The following SMARCC1 variants were observed in gnomAD, a reference collection of about 807,000 sequenced individuals.
SMARCC1 encodes SWI/SNF related BAF chromatin remodeling complex subunit C1.
In SMARCC1, 43 loss-of-function variants were observed where a neutral mutation model predicts 147.4. The ratio of observed to expected loss-of-function variants is 0.29; its 90% CI spans 0.23 to 0.38. The LOEUF is 0.38. Among genes scored for constraint, SMARCC1 ranks in the 10% least tolerant of loss-of-function variants. The pLI, the probability that SMARCC1 is intolerant of heterozygous loss-of-function variation, is 1.00. For synonymous variants in SMARCC1, 495 were observed against 484.4 expected (o/e 1.02, Z -0.29); for missense variants, 1,119 against 1,381.1 (o/e 0.81, Z 3.01).
chr3:47,762,176 G>A (rs1035967926), intron 2 of SMARCC1, among the ~76,000 whole-genome samples: 2 of 152,290 alleles, frequency 1.3e-5, no homozygotes, highest in South Asian at 2.1e-4. Context: ...GAAGACAACA[G>A]ATTCTTCTTA....
chr3:47,697,241 T>C (rs929019189), intron 11 of SMARCC1, among the ~76,000 whole-genome samples: 3 of 150,668 alleles, frequency 2.0e-5, no homozygotes, highest in African/African-American at 7.3e-5. Flanking sequence ...ATCACTTGAG[T>C]GAGCAGCAAG....
chr3:47,606,092 A>G (rs1289196431), intron 26 of SMARCC1, among the ~76,000 whole-genome samples: 1 of 152,132 alleles, frequency 6.6e-6, no homozygotes, highest in East Asian at 1.9e-4. Context: ...CTTGTCATAG[A>G]CTAAAAATAA....
At chr3:47,727,230 C>A (rs997734579) in intron 6 of SMARCC1, among the ~76,000 whole-genome samples, 1 of 151,232 alleles carries the variant, frequency 6.6e-6, no homozygotes, top group Non-Finnish European at 1.5e-5. Context: ...AAAAACTGGC[C>A]GGGCACGGTG....
chr3:47,595,628 A>G (rs570014023), intron 26 of SMARCC1, among the ~76,000 whole-genome samples: 40 of 152,332 alleles, frequency 2.6e-4, no homozygotes, highest in Non-Finnish European at 5.6e-4. Flanking sequence ...TCCCATTATT[A>G]CTGAGAGGTA....
intron 12 of SMARCC1, among the ~76,000 whole-genome samples, chr3:47,691,536 C>T (rs937916816): frequency 4.0e-5 from 6 of 151,874 alleles, no homozygotes; most frequent in Non-Finnish European, 7.4e-5. Flanking sequence ...ATTGCTTGAA[C>T]CTGGGAAGTG....
chr3:47,671,206 A>AC (rs2033498050), intron 18 of SMARCC1, among the ~76,000 whole-genome samples: 1 of 146,752 alleles, frequency 6.8e-6, no homozygotes, highest in South Asian at 2.2e-4. Flanking sequence ...AAACACACAC[A>AC]AAAACCAAAA....
intron 24 of SMARCC1, among the ~76,000 whole-genome samples, chr3:47,622,660 C>G (rs1043765741): frequency 1.3e-5 from 2 of 152,152 alleles, no homozygotes; most frequent in Admixed American, 6.5e-5. Context: ...ACCACCCCAT[C>G]CTGGCACTCG....
intron 26 of SMARCC1, among the ~76,000 whole-genome samples, chr3:47,597,441 C>T (rs546667283): frequency 2.3e-4 from 35 of 152,202 alleles, no homozygotes; most frequent in African/African-American, 7.5e-4. Flanking sequence ...ATTCTCCTGC[C>T]GCAGCCTCCC....
intron 2 of SMARCC1, among the ~76,000 whole-genome samples, chr3:47,769,133 C>G (rs2034875861): frequency 6.6e-6 from 1 of 150,490 alleles, no homozygotes; most frequent in South Asian, 2.1e-4. Context: ...ATTGCTTGAA[C>G]CCAGGAGGCG....
At chr3:47,771,796 T>C (rs552519608) in intron 2 of SMARCC1, among the ~76,000 whole-genome samples, 1 of 151,040 alleles carries the variant, frequency 6.6e-6, no homozygotes, top group South Asian at 2.1e-4. Context: ...AACATAAAAA[T>C]AAAGGCTGGG....
At chr3:47,663,957 C>T in intron 19 of SMARCC1, 1 of 1,306,016 alleles carries the variant, frequency 7.7e-7, no homozygotes, top group South Asian at 1.4e-5. Flanking sequence ...GCTTTGAAAG[C>T]TCCGCAGAAA....
intron 2 of SMARCC1, among the ~76,000 whole-genome samples, chr3:47,747,486 A>ATAAATATAAATATAAAT (rs1185664403): frequency 1.8e-3 from 23 of 12,712 alleles, no homozygotes; most frequent in Non-Finnish European, 0.013. Context: ...TAAATATAAA[A>ATAAATATAAATATAAAT]ATTAGCCAGG....
intron 1 of SMARCC1, among the ~76,000 whole-genome samples, chr3:47,779,521 C>T (rs2035016728): frequency 1.3e-5 from 2 of 152,210 alleles, no homozygotes; most frequent in African/African-American, 4.8e-5. Flanking sequence ...GAAATACACT[C>T]TGGCTTTACA....
intron 18 of SMARCC1, among the ~76,000 whole-genome samples, chr3:47,671,187 A>AG (rs1203107094): frequency 1.4e-5 from 2 of 146,440 alleles, no homozygotes; most frequent in African/African-American, 5.1e-5. Context: ...AAAAAAAAAA[A>AG]AAAAAAAAAA....
chr3:47,600,998 T>TGAGAGAGATAGAGAGAGAGAGAGA (rs2032373590), intron 26 of SMARCC1, among the ~76,000 whole-genome samples: 2 of 85,194 alleles, frequency 2.3e-5, no homozygotes, highest in African/African-American at 1.0e-4. Context: ...AGGAAGAAAA[T>TGAGAGAGATAGAGAGAGAGAGAGA]GAGAGAGAGA....
chr3:47,709,618 G>A (rs1045506345), intron 9 of SMARCC1, among the ~76,000 whole-genome samples: 3 of 151,652 alleles, frequency 2.0e-5, no homozygotes, highest in Non-Finnish European at 4.4e-5. Context: ...CCCAGCAGGT[G>A]GAGGTTGCAG....
At chr3:47,657,887 C>A (rs910092205) in intron 21 of SMARCC1, among the ~76,000 whole-genome samples, 1 of 151,818 alleles carries the variant, frequency 6.6e-6, no homozygotes, top group Non-Finnish European at 1.5e-5. Flanking sequence ...TATAGAATGT[C>A]GCAAAAGCAG....
chr3:47,767,189 GAAAAAA>G (rs375076788), intron 2 of SMARCC1, among the ~76,000 whole-genome samples: 1 of 80,176 alleles, frequency 1.2e-5, no homozygotes, highest in African/African-American at 5.2e-5. Context: ...TCTCCAAAAA[GAAAAAA>G]AAAAAAAAAA....
intron 2 of SMARCC1, among the ~76,000 whole-genome samples, chr3:47,751,677 G>T (rs1559662879): frequency 6.6e-6 from 1 of 151,752 alleles, no homozygotes; most frequent in Non-Finnish European, 1.5e-5. Flanking sequence ...GACCCGCCTG[G>T]GTAACACAGG....
Sources: allele counts gnomAD v4.1 joint callset (sites outside exome capture counted in the v4.1 genomes callset), GRCh38; gene constraint gnomAD v4.1.1; transcripts MANE v1.5; gene names NCBI Gene and HGNC (gene_info 2026-07-23, HGNC 2026-07-21).